SLC9A8: variants seen among roughly 807,000 people sequenced by gnomAD.
The protein encoded by SLC9A8 is solute carrier family 9 member A8.
In SLC9A8, 48 loss-of-function variants were observed where a neutral mutation model predicts 66.6. The observed-to-expected ratio is 0.72, with a 90% CI of 0.57 to 0.92. The LOEUF (loss-of-function observed/expected upper bound fraction) is 0.92. Ranked by LOEUF, SLC9A8 falls within the 40% of genes least tolerant of loss-of-function variation. The probability of loss-of-function intolerance (pLI) is 0.00; values close to 1 mark genes in which losing one functional copy is unlikely to be tolerated. For missense variants in SLC9A8, 599 were observed against 747.3 expected, an observed-to-expected ratio of 0.80 and a Z score of 2.31; for synonymous variants, 274 against 282.6, an observed-to-expected ratio of 0.97 and a Z score of 0.31.
rs1568847154 is a variant in SLC9A8 at position 49,857,822 on chromosome 20, A to G, written c.713+2241A>G. On this transcript the variant is annotated intron_variant, in intron 8 of 15. Coordinates refer to ENST00000361573, the MANE Select transcript of SLC9A8 (RefSeq NM_015266.3). ...CCTGCCCCTAGTTGTTGTTTTCACC[A>G]CATTTGCCCAGTTTTTGCCCTGTTT... Among the ~76,000 whole-genome samples, 3 of 147,832 alleles carry G rather than the reference A, an allele frequency of 2.0e-5. No homozygotes were observed. In the Admixed American group the frequency reaches 2.1e-4, roughly 10 times the overall value.
At chr20:49,864,349 G>C (rs1041238740) in intron 9 of SLC9A8, among the ~76,000 whole-genome samples, 2 of 152,192 alleles carry the variant, frequency 1.3e-5, no homozygotes, top group Non-Finnish European at 2.9e-5. Flanking sequence ...TTGGAGGAGT[G>C]GGGGTGATGC....
At chr20:49,881,835 T>C (rs1309030554) in intron 13 of SLC9A8, among the ~76,000 whole-genome samples, 2 of 152,244 alleles carry the variant, frequency 1.3e-5, no homozygotes, top group Non-Finnish European at 2.9e-5. Context: ...TAATCTCTTT[T>C]GCCAGTGAGG....
At chr20:49,848,282 G>T (rs6020085) in intron 5 of SLC9A8, among the ~76,000 whole-genome samples, 22,738 of 152,102 alleles carry the variant, frequency 0.15, 3,071 homozygotes, top group African/African-American at 0.37. Context: ...CTCATAGATT[G>T]AAAGCCCTTT....
intron 13 of SLC9A8, among the ~76,000 whole-genome samples, chr20:49,881,276 C>T (rs1177512250): frequency 6.6e-6 from 1 of 152,154 alleles, no homozygotes; most frequent in African/African-American, 2.4e-5. Context: ...GGAGGCAGAG[C>T]CGGGATTTCT....
intron 13 of SLC9A8, among the ~76,000 whole-genome samples, chr20:49,883,310 C>T (rs1258336815): frequency 2.0e-5 from 3 of 152,104 alleles, no homozygotes; most frequent in Admixed American, 6.5e-5. Context: ...GACAGCATCT[C>T]GAGATAGGAG....
intron 10 of SLC9A8, among the ~76,000 whole-genome samples, chr20:49,874,294 G>A (rs1407879346): frequency 1.3e-5 from 2 of 152,028 alleles, no homozygotes; most frequent in Non-Finnish European, 2.9e-5. Context: ...TAGTGCAGTG[G>A]GCCCTCAATA....
At chr20:49,824,234 G>A (rs16994928) in intron 3 of SLC9A8, among the ~76,000 whole-genome samples, 2,736 of 152,270 alleles carry the variant, frequency 0.018, 81 homozygotes, top group African/African-American at 0.063. Flanking sequence ...TGTTGACCTC[G>A]AGTACAGGTT....
At chr20:49,887,540 A>G (rs769506315) in intron 15 of SLC9A8, among the ~76,000 whole-genome samples, 2 of 152,146 alleles carry the variant, frequency 1.3e-5, no homozygotes, top group African/African-American at 4.8e-5. Context: ...GTCACAGCCA[A>G]TATGGGCATA....
At position 49,863,025 on chromosome 20, in the gene SLC9A8, C is replaced by T. The variant is rs1364421858; in HGVS notation, c.810C>T (p.Gly270=). The T allele has an allele frequency of 6.2e-7, 1 of 1,613,936 alleles. No individual in the cohort carries two copies. The highest frequency in any genetic ancestry group is 1.7e-5 in the Admixed American group (1 of 59,998). Residue 270 remains glycine, a synonymous_variant, in exon 9 of 16, where the codon GGC becomes GGT. Coordinates refer to ENST00000361573, the MANE Select transcript of SLC9A8 (RefSeq NM_015266.3). ...ACTACTTCCTCAAAATGTTCTTTGG[C>T]TCTGCAGCGCTCGGCACTCTCACTG... ...ALDYFLKMFF[G]SAALGTLTGL...
chr20:49,823,332 T>A (rs1421277498), intron 3 of SLC9A8, among the ~76,000 whole-genome samples, 191 bp downstream of exon 3: 2 of 152,140 alleles, frequency 1.3e-5, no homozygotes, highest in Non-Finnish European at 2.9e-5. Flanking sequence ...AGAAGGGTAG[T>A]GACCTCCTAA....
intron 2 of SLC9A8, among the ~76,000 whole-genome samples, chr20:49,817,525 A>C (rs1469847932): frequency 6.7e-6 from 1 of 150,008 alleles, no homozygotes; most frequent in Non-Finnish European, 1.5e-5. Context: ...AACTTCTCTT[A>C]CATTTATATT....
chr20:49,886,741 T>G lies in SLC9A8; in HGVS notation c.1492-11T>G. The stretch of plus-strand genomic sequence containing the variant: ...CTGGTGGCCGTCGGGCCGCCTTTCC[T>G]CCCTGCTCAGGGCAACACTGTGGAG... On this transcript the variant is annotated splice_polypyrimidine_tract_variant and intron_variant, in intron 14 of 15. Transcript: ENST00000361573. The surrounding 1 kb of genome is among the most constrained non-coding windows in gnomAD (Gnocchi z 4.8). The G allele has an allele frequency of 6.2e-7, 1 of 1,611,064 alleles. No individual in the cohort carries two copies. The highest frequency in any genetic ancestry group is 8.5e-7 in the Non-Finnish European group (1 of 1,178,640).
intron 11 of SLC9A8, 113 bp downstream of exon 11, chr20:49,874,934 T>G: frequency 1.3e-6 from 1 of 758,214 alleles, no homozygotes; most frequent in Non-Finnish European, 2.4e-6. Flanking sequence ...CAGCAGCTCC[T>G]CAGAGCCAGA....
intron 8 of SLC9A8, among the ~76,000 whole-genome samples, chr20:49,857,907 C>T (rs528262584): frequency 6.6e-6 from 1 of 152,136 alleles, no homozygotes; most frequent in Non-Finnish European, 1.5e-5. Flanking sequence ...AGGTGCTCAA[C>T]AGGCCTTAAA....
At chr20:49,830,984 C>T (rs1161874536) in intron 3 of SLC9A8, 2 of 758,666 alleles carry the variant, frequency 2.6e-6, no homozygotes, top group South Asian at 1.3e-5. Context: ...GGTCAACTCT[C>T]TGACTCCCAT....
chr20:49,866,732 G>A (rs911118275), intron 10 of SLC9A8, among the ~76,000 whole-genome samples: 5 of 152,050 alleles, frequency 3.3e-5, no homozygotes, highest in African/African-American at 1.2e-4. Flanking sequence ...TCTTCCCCTT[G>A]AGACTTCAGT....
intron 3 of SLC9A8, among the ~76,000 whole-genome samples, chr20:49,832,482 A>C (rs754569704): frequency 1.3e-5 from 2 of 152,152 alleles, no homozygotes; most frequent in Non-Finnish European, 2.9e-5. Context: ...AAGGGATGTC[A>C]ATTTCTTATC....
chr20:49,834,139 G>GTCTCTCTCTCTC lies in SLC9A8; in HGVS notation c.290-5366_290-5355dup, dbSNP rs71335517. On this transcript the variant is annotated intron_variant, in intron 3 of 15. Coordinates refer to ENST00000361573, the MANE Select transcript of SLC9A8 (RefSeq NM_015266.3). ...TGGTGCACGCTTGTAATATTAGCTTGTCTCTCTCTCTCTCTCTCTCTCTCT... is the reference window on the plus strand; with the variant it reads ...TGGTGCACGCTTGTAATATTAGCTTGTCTCTCTCTCTCTCTCTCTCTCTCTCTCTCTCTCTCT... Among the ~76,000 whole-genome samples the GTCTCTCTCTCTC allele has an allele frequency of 4.7e-3, 308 of 65,366 alleles. 2 individuals are homozygous for GTCTCTCTCTCTC. The highest frequency in any genetic ancestry group is 8.9e-3 in the African/African-American group (116 of 13,044). 42.9% of individuals were successfully genotyped at this position (65,366 alleles called of 152,430 possible).
At chr20:49,841,574 A>G (rs1475286022) in intron 4 of SLC9A8, among the ~76,000 whole-genome samples, 1 of 151,450 alleles carries the variant, frequency 6.6e-6, no homozygotes, top group African/African-American at 2.4e-5. Context: ...GTATATATAT[A>G]TAAATTATTT....
Sources: allele counts gnomAD v4.1 joint callset (sites outside exome capture counted in the v4.1 genomes callset), GRCh38; gene constraint gnomAD v4.1.1; non-coding constraint Gnocchi (gnomAD v3.1); transcripts MANE v1.5; gene names NCBI Gene and HGNC (gene_info 2026-07-23, HGNC 2026-07-21).